ABI1: variants seen among roughly 807,000 people sequenced by gnomAD.
ABI1 encodes abl interactor 1.
ABI1 carries 14 observed loss-of-function variants against 54.6 expected under a neutral mutation model. The observed-to-expected ratio is 0.26, with a 90% confidence interval of 0.17 to 0.40. The LOEUF is 0.40. Ranked by LOEUF, ABI1 falls within the 10% of genes least tolerant of loss-of-function variation. ABI1 has a pLI of 1.00. For missense variants in ABI1, 443 were observed against 598.3 expected, an observed-to-expected ratio of 0.74 and a Z score of 2.71; for synonymous variants, 194 against 209.3, an observed-to-expected ratio of 0.93 and a Z score of 0.63.
At chr10:26,826,919 T>G (rs1054922625) in intron 1 of ABI1, among the ~76,000 whole-genome samples, 28 of 152,048 alleles carry the variant, frequency 1.8e-4, no homozygotes, top group Non-Finnish European at 8.8e-5. Flanking sequence ...GATTTTTTTT[T>G]TTTTTCTTTT....
intron 2 of ABI1, among the ~76,000 whole-genome samples, chr10:26,801,765 A>G (rs923071784): frequency 6.6e-6 from 1 of 152,206 alleles, no homozygotes; most frequent in Admixed American, 6.5e-5. Flanking sequence ...ATACTCCTCC[A>G]AAGAGATGAT....
At chr10:26,794,582 T>C (rs1359036298) in intron 2 of ABI1, among the ~76,000 whole-genome samples, 2 of 150,800 alleles carry the variant, frequency 1.3e-5, no homozygotes, top group African/African-American at 4.9e-5. Context: ...TCAGTTTCCT[T>C]ACCATACATA....
intron 9 of ABI1, among the ~76,000 whole-genome samples, chr10:26,754,126 T>G (rs540010295): frequency 6.6e-5 from 10 of 152,332 alleles, no homozygotes; most frequent in Admixed American, 5.2e-4. Context: ...AAAATAAGAT[T>G]CACATCTATC....
intron 1 of ABI1, among the ~76,000 whole-genome samples, chr10:26,834,047 T>A (rs1222117951): frequency 6.6e-6 from 1 of 151,924 alleles, no homozygotes; most frequent in African/African-American, 2.4e-5. Context: ...CTGGCCAACA[T>A]GGTGAAACCC....
chr10:26,825,176 T>C (rs1265572347), intron 1 of ABI1, among the ~76,000 whole-genome samples: 5 of 152,224 alleles, frequency 3.3e-5, no homozygotes, highest in Admixed American at 2.0e-4. Context: ...ACAAGATTTC[T>C]CTATGGCATG....
In ABI1 at chr10:26,751,667, C is replaced by T. The variant is rs1469649772; in HGVS notation, c.1201G>A (p.Val401Ile). ...GCATATGGATCATTATACTGAACTA[C>T]TGCAGCCTCCTCATCTTCATAATCC... ...PVDYEDEEAA[V>I]VQYNDPYADG... The change falls in exon 10 of 11, where the codon GTA (valine) becomes ATA (isoleucine). Residue 401 changes from valine (V) to isoleucine (I), a missense_variant. By Grantham distance (29) the Val-to-Ile change is conservative (BLOSUM62 3). Coordinates refer to ENST00000376140, the MANE Select transcript of ABI1 (RefSeq NM_001012750.3). 6.2e-7 allele frequency: 1 copy of T among 1,614,064 alleles called. No individual in the cohort carries two copies. The highest frequency in any genetic ancestry group is 1.3e-5 in the African/African-American group (1 of 75,048).
chr10:26,813,077 C>T (rs1189371771), intron 2 of ABI1, among the ~76,000 whole-genome samples: 2 of 151,904 alleles, frequency 1.3e-5, no homozygotes, highest in Non-Finnish European at 2.9e-5. Context: ...GGTGAAACCC[C>T]GTCTCTAAGA....
intron 7 of ABI1, chr10:26,763,811 T>A: frequency 7.3e-7 from 1 of 1,378,478 alleles, no homozygotes; most frequent in Non-Finnish European, 1.0e-6. Context: ...AGCACTCTAC[T>A]AGCACAGAGG....
intron 2 of ABI1, among the ~76,000 whole-genome samples, chr10:26,803,243 A>T (rs1392681329): frequency 6.6e-6 from 1 of 152,080 alleles, no homozygotes; most frequent in Non-Finnish European, 1.5e-5. Context: ...AAAGAAGAAA[A>T]CTAGAGCAGC....
chr10:26,771,043 CT>C, intron 4 of ABI1, 31 bp downstream of exon 4: 1 of 1,612,662 alleles, frequency 6.2e-7, no homozygotes, highest in African/African-American at 1.3e-5. Flanking sequence ...AGAGGAAATA[CT>C]GTGGATCAAA....
At chr10:26,833,769 T>TAC (rs61653104) in intron 1 of ABI1, among the ~76,000 whole-genome samples, 11,652 of 150,244 alleles carry the variant, frequency 0.078, 862 homozygotes, top group East Asian at 0.35. Flanking sequence ...ACAATATTTA[T>TAC]ACACACACAC....
intron 2 of ABI1, among the ~76,000 whole-genome samples, chr10:26,784,897 T>C (rs1842549013): frequency 6.6e-6 from 1 of 152,204 alleles, no homozygotes; most frequent in Non-Finnish European, 1.5e-5. Context: ...CTCTATATTC[T>C]GCAGTAACTA....
At chr10:26,761,617 C>CTTAT (rs1839173379) in intron 7 of ABI1, among the ~76,000 whole-genome samples, 1 of 49,836 alleles carries the variant, frequency 2.0e-5, no homozygotes, top group Non-Finnish European at 3.5e-5. Context: ...TAGTTTTTGT[C>CTTAT]ATATATATAT....
intron 2 of ABI1, among the ~76,000 whole-genome samples, chr10:26,799,236 TAA>T (rs1027153085): frequency 6.6e-6 from 1 of 151,782 alleles, no homozygotes. Flanking sequence ...ACTGCAAGAA[TAA>T]AAAAGATATA....
chr10:26,796,887 G>A (rs1844247514), intron 2 of ABI1, among the ~76,000 whole-genome samples: 2 of 152,180 alleles, frequency 1.3e-5, no homozygotes, highest in Non-Finnish European at 2.9e-5. Context: ...CTCATAAGGA[G>A]CATGCAACTT....
At chr10:26,796,326 A>T (rs1368902831) in intron 2 of ABI1, among the ~76,000 whole-genome samples, 1 of 152,228 alleles carries the variant, frequency 6.6e-6, no homozygotes, top group Non-Finnish European at 1.5e-5. Context: ...ATATCACACC[A>T]CATAATAACA....
chr10:26,837,964 CA>C (rs2049210626), intron 1 of ABI1, among the ~76,000 whole-genome samples: 1 of 151,732 alleles, frequency 6.6e-6, no homozygotes, highest in Non-Finnish European at 1.5e-5. Flanking sequence ...ATCTTGGTTT[CA>C]CAGATGAAGG....
At chr10:26,842,333 T>C (rs897352922) in intron 1 of ABI1, among the ~76,000 whole-genome samples, 1 of 152,264 alleles carries the variant, frequency 6.6e-6, no homozygotes, top group Non-Finnish European at 1.5e-5. Context: ...ATTAATCCCT[T>C]ATCAGATAAA....
Position 26,827,414 on chromosome 10 carries a change from G to A in ABI1, c.118-4109C>T, listed in dbSNP as rs990519111. 5.9e-5 allele frequency among the ~76,000 whole-genome samples: 9 copies of A among 151,380 alleles called. No individual in the cohort carries two copies. The East Asian group carries it at 1.7e-3, about 29-fold the overall frequency. Reference sequence around the variant, plus strand: ...TTATTTGTATTTTTAGTAGAGATAGGGTTTCACCATGTTAGCCAGGATGGT... The same window carrying A: ...TTATTTGTATTTTTAGTAGAGATAGAGTTTCACCATGTTAGCCAGGATGGT... On this transcript the variant is annotated intron_variant, in intron 1 of 10. Coordinates refer to ENST00000376140, the MANE Select transcript of ABI1 (RefSeq NM_001012750.3).
Sources: allele counts gnomAD v4.1 joint callset (sites outside exome capture counted in the v4.1 genomes callset), GRCh38; gene constraint gnomAD v4.1.1; transcripts MANE v1.5; gene names NCBI Gene and HGNC (gene_info 2026-07-23, HGNC 2026-07-21).